PACSIN2: variants seen among roughly 807,000 people sequenced by gnomAD.
PACSIN2 encodes the protein protein kinase C and casein kinase substrate in neurons 2, also known as protein kinase C and casein kinase substrate in neurons protein 2.
Under a neutral mutation model 63.8 loss-of-function variants are expected in PACSIN2, and 25 were observed. The ratio of observed to expected loss-of-function variants is 0.39; its 90% CI spans 0.29 to 0.55. The LOEUF (loss-of-function observed/expected upper bound fraction) is 0.55, where lower values mean the gene tolerates loss of function less well. Ranked by LOEUF, PACSIN2 falls within the 20% of genes least tolerant of loss-of-function variation. The probability of loss-of-function intolerance (pLI) is 0.62; values close to 1 mark genes in which losing one functional copy is unlikely to be tolerated. For synonymous variants in PACSIN2, 255 were observed against 256.2 expected (o/e 1.00, Z 0.05); for missense variants, 518 against 646.9 (o/e 0.80, Z 2.16).
chr22:42,964,145 C>T (rs999480201), intron 1 of PACSIN2, among the ~76,000 whole-genome samples: 6 of 152,202 alleles, frequency 3.9e-5, no homozygotes, highest in Admixed American at 2.0e-4. Flanking sequence ...TGGCTGGGCA[C>T]GGTGGCCCAT....
At position 42,982,888 on chromosome 22, in the gene PACSIN2, AAAC is replaced by A. The variant is rs1555943703; in HGVS notation, c.-78+32130_-78+32132del. Reference sequence around the variant, plus strand: ...GATCAATAAAAAAAAAAAAAAAAAAAAACAACAACAAGGCTAGGAGCAGTGGCT... The same window carrying A: ...GATCAATAAAAAAAAAAAAAAAAAAAAACAACAAGGCTAGGAGCAGTGGCT... On this transcript the variant is annotated intron_variant, in intron 1 of 10. Transcript: ENST00000263246. Among the ~76,000 whole-genome samples the A allele has an allele frequency of 4.4e-3, 462 of 104,998 alleles. 6 individuals are homozygous for A. The highest frequency in any genetic ancestry group is 0.013 in the African/African-American group (406 of 30,558). The allele number at this position is 104,998 out of a possible 152,430, so 68.9% of individuals were successfully genotyped here. A position where few individuals can be genotyped will look rare whatever the true frequency, so the allele number is the denominator to read the frequency against.
chr22:42,898,534 G>A (rs1490784522), intron 2 of PACSIN2, among the ~76,000 whole-genome samples: 1 of 152,092 alleles, frequency 6.6e-6, no homozygotes, highest in African/African-American at 2.4e-5. Context: ...GCCTCCCAAA[G>A]TGCTGGGATT....
At chr22:42,919,405 GGACTCATCTGGCACTTCTTTTGCAC>G in intron 1 of PACSIN2, among the ~76,000 whole-genome samples, 1 of 152,150 alleles carries the variant, frequency 6.6e-6, no homozygotes, top group African/African-American at 2.4e-5. Flanking sequence ...CCAAGGACAG[GGACTCATCTGGCACTTCTTTTGCAC>G]ATTTCAGACT....
intron 1 of PACSIN2, among the ~76,000 whole-genome samples, chr22:42,953,489 A>T (rs1933786803): frequency 6.6e-6 from 1 of 152,246 alleles, no homozygotes; most frequent in Non-Finnish European, 1.5e-5. Flanking sequence ...CAATCAGAAA[A>T]GAAGAAACGT....
At chr22:42,961,509 C>T (rs1349451344) in intron 1 of PACSIN2, among the ~76,000 whole-genome samples, 1 of 150,632 alleles carries the variant, frequency 6.6e-6, no homozygotes, top group East Asian at 2.0e-4. Context: ...CGGTGGCTCA[C>T]ACTTGTAGTC....
chr22:42,875,299 C>T (rs1218762430), intron 10 of PACSIN2, among the ~76,000 whole-genome samples: 5 of 152,086 alleles, frequency 3.3e-5, no homozygotes, highest in African/African-American at 9.7e-5. Context: ...TGCAACACCA[C>T]GCCCAGCTAA....
At chr22:42,893,289 G>T (rs986997452) in intron 3 of PACSIN2, among the ~76,000 whole-genome samples, 168 bp downstream of exon 3, 1 of 152,174 alleles carries the variant, frequency 6.6e-6, no homozygotes, top group African/African-American at 2.4e-5. Context: ...GGTGATGGGC[G>T]CTAATGCTCC....
intron 2 of PACSIN2, among the ~76,000 whole-genome samples, chr22:42,901,738 G>C (rs942911334): frequency 2.6e-5 from 4 of 152,216 alleles, no homozygotes; most frequent in South Asian, 2.1e-4. Flanking sequence ...GGGTCAGGGT[G>C]GGGGGTGAGG....
chr22:42,925,349 G>A (rs112307551), intron 1 of PACSIN2, among the ~76,000 whole-genome samples: 2,581 of 152,048 alleles, frequency 0.017, 82 homozygotes, highest in African/African-American at 0.06. Context: ...GTGTGGTGGC[G>A]CATGCCTGTA....
At chr22:42,920,498 T>C (rs1054983893) in intron 1 of PACSIN2, among the ~76,000 whole-genome samples, 3 of 152,360 alleles carry the variant, frequency 2.0e-5, no homozygotes, top group East Asian at 3.9e-4. Context: ...TATTTTAGTG[T>C]CACTTTTTGG....
At chr22:42,950,908 C>G (rs1172043844) in intron 1 of PACSIN2, among the ~76,000 whole-genome samples, 1 of 151,966 alleles carries the variant, frequency 6.6e-6, no homozygotes, top group South Asian at 2.1e-4. Flanking sequence ...AAAGCCACAC[C>G]AGTAGGTAAT....
At chr22:42,919,049 G>A (rs368737642) in intron 1 of PACSIN2, among the ~76,000 whole-genome samples, 79 of 152,318 alleles carry the variant, frequency 5.2e-4, no homozygotes, top group African/African-American at 1.9e-3. Context: ...CTGTGCACAC[G>A]TATGGGACAA....
chr22:42,934,766 T>G (rs1380190649), intron 1 of PACSIN2, among the ~76,000 whole-genome samples: 4 of 152,200 alleles, frequency 2.6e-5, no homozygotes, highest in Non-Finnish European at 5.9e-5. Context: ...TTAACCCTGG[T>G]AGATCAGACC....
intron 1 of PACSIN2, among the ~76,000 whole-genome samples, chr22:43,013,759 A>G (rs1924657403): frequency 6.6e-6 from 1 of 152,238 alleles, no homozygotes. Context: ...AAACTCTTTG[A>G]GCTGGTTTCC....
At chr22:43,009,486 A>G (rs1924312248) in intron 1 of PACSIN2, among the ~76,000 whole-genome samples, 2 of 152,244 alleles carry the variant, frequency 1.3e-5, no homozygotes, top group South Asian at 4.1e-4. Context: ...CACGCCTATG[A>G]AGCTGTCCCC....
chr22:42,883,545 C>T (rs1201934193), intron 6 of PACSIN2, among the ~76,000 whole-genome samples: 1 of 152,230 alleles, frequency 6.6e-6, no homozygotes, highest in African/African-American at 2.4e-5. Flanking sequence ...ACAGAAGAAA[C>T]AGCACAGCTT....
Position 42,975,451 on chromosome 22 carries a change from T to C in PACSIN2, c.-78+39570A>G, listed in dbSNP as rs532221879. ...CCTGTCTCTACAAAAATAAAAAATATATACAAATATATATATATATAGCAT... is the reference window on the plus strand; with the variant it reads ...CCTGTCTCTACAAAAATAAAAAATACATACAAATATATATATATATAGCAT... On this transcript the variant is annotated intron_variant, in intron 1 of 10. Transcript: ENST00000263246. Among the ~76,000 whole-genome samples, 450 of 126,802 alleles carry C rather than the reference T, an allele frequency of 3.5e-3. 4 individuals are homozygous for C. Among genetic ancestry groups the C allele is most frequent in the African/African-American group, 0.013 (441 of 33,000 alleles). The allele number at this position is 126,802 out of a possible 152,430, so 83.2% of individuals were successfully genotyped here. A position where few individuals can be genotyped will look rare whatever the true frequency, so the allele number is the denominator to read the frequency against.
At chr22:43,008,423 A>G (rs5759084) in intron 1 of PACSIN2, among the ~76,000 whole-genome samples, 93,319 of 151,928 alleles carry the variant, frequency 0.61, 29,331 homozygotes, top group East Asian at 0.8. Flanking sequence ...GCTAGTTTTT[A>G]TATTTTTAGT....
At chr22:42,911,701 G>A (rs1426355980) in intron 2 of PACSIN2, among the ~76,000 whole-genome samples, 2 of 152,190 alleles carry the variant, frequency 1.3e-5, no homozygotes, top group Non-Finnish European at 2.9e-5. Flanking sequence ...ATTAGTGTCT[G>A]TCTCTCCCAC....
Sources: allele counts gnomAD v4.1 joint callset (sites outside exome capture counted in the v4.1 genomes callset), GRCh38; gene constraint gnomAD v4.1.1; transcripts MANE v1.5; gene names NCBI Gene and HGNC (gene_info 2026-07-23, HGNC 2026-07-21).